The following MARCHF1 variants were observed in gnomAD, a reference collection of about 807,000 sequenced individuals.
The protein encoded by MARCHF1 is membrane associated ring-CH-type finger 1.
A neutral mutation model predicts 54.2 loss-of-function variants in MARCHF1; 40 were observed. That is an observed-to-expected ratio of 0.74 (90% CI 0.57 to 0.96). The LOEUF (loss-of-function observed/expected upper bound fraction) is 0.96. MARCHF1 is among the 40% of genes least tolerant of loss of function. The probability of loss-of-function intolerance (pLI) is 0.00; values close to 1 mark genes in which losing one functional copy is unlikely to be tolerated. For synonymous variants in MARCHF1, 236 were observed against 236.3 expected (o/e 1.00, Z 0.01); for missense variants, 586 against 656.5 (o/e 0.89, Z 1.17).
At chr4:164,206,949 A>T (rs1731623571) in intron 1 of MARCHF1, among the ~76,000 whole-genome samples, 1 of 152,162 alleles carries the variant, frequency 6.6e-6, no homozygotes, top group South Asian at 2.1e-4. Flanking sequence ...AAATTGTATT[A>T]ATTTTATCAT....
chr4:163,545,072 A>C (rs1294427431), intron 9 of MARCHF1, among the ~76,000 whole-genome samples: 1 of 152,198 alleles, frequency 6.6e-6, no homozygotes, highest in African/African-American at 2.4e-5. Flanking sequence ...TTTTCTTTGC[A>C]GACTTGACAC....
intron 1 of MARCHF1, among the ~76,000 whole-genome samples, chr4:164,118,325 A>G (rs749630510): frequency 2.0e-5 from 3 of 151,556 alleles, no homozygotes; most frequent in Non-Finnish European, 4.4e-5. Flanking sequence ...ATACAGCAAA[A>G]AGAAATTATT....
chr4:163,836,736 C>T (rs185040885), intron 4 of MARCHF1, among the ~76,000 whole-genome samples: 2 of 111,140 alleles, frequency 1.8e-5, no homozygotes, highest in East Asian at 5.6e-4. Flanking sequence ...AAGTGTGACC[C>T]CCAATAAACA....
chr4:164,120,661 G>T (rs1393296586), intron 1 of MARCHF1, among the ~76,000 whole-genome samples: 1 of 151,976 alleles, frequency 6.6e-6, no homozygotes, highest in Non-Finnish European at 1.5e-5. Context: ...AATAAAACTA[G>T]AAATTAATAA....
At chr4:163,681,626 T>C (rs117353637) in intron 5 of MARCHF1, among the ~76,000 whole-genome samples, 2,143 of 152,294 alleles carry the variant, frequency 0.014, 50 homozygotes, top group East Asian at 0.11. Flanking sequence ...TTTTCCCCTT[T>C]TGCTTGGCAC....
intron 1 of MARCHF1, among the ~76,000 whole-genome samples, chr4:164,354,354 A>G (rs1730448795): frequency 7.3e-6 from 1 of 136,730 alleles, no homozygotes; most frequent in Non-Finnish European, 1.6e-5. Context: ...CATTGATGCA[A>G]AAATCCTCAA....
At chr4:163,695,354 T>C (rs956910070) in intron 5 of MARCHF1, among the ~76,000 whole-genome samples, 3 of 152,178 alleles carry the variant, frequency 2.0e-5, no homozygotes, top group Non-Finnish European at 4.4e-5. Context: ...AACCATAGAA[T>C]ACCTTGTACA....
At chr4:164,263,506 C>T (rs1354387590) in intron 1 of MARCHF1, among the ~76,000 whole-genome samples, 2 of 152,116 alleles carry the variant, frequency 1.3e-5, no homozygotes, top group African/African-American at 4.8e-5. Flanking sequence ...AAGCAATCCT[C>T]TTGTATTAGT....
At chr4:164,052,805 A>G (rs530748322) in intron 2 of MARCHF1, among the ~76,000 whole-genome samples, 1 of 152,270 alleles carries the variant, frequency 6.6e-6, no homozygotes, top group African/African-American at 2.4e-5. Context: ...AGGATTAGAA[A>G]TCATAGTGAT....
chr4:163,691,920 G>A (rs574501180), intron 5 of MARCHF1, among the ~76,000 whole-genome samples: 1 of 152,186 alleles, frequency 6.6e-6, no homozygotes, highest in Non-Finnish European at 1.5e-5. Context: ...TCAGCCAAAA[G>A]TCTATATACT....
intron 1 of MARCHF1, among the ~76,000 whole-genome samples, chr4:164,357,908 A>G (rs1192039372): frequency 6.6e-6 from 1 of 152,208 alleles, no homozygotes; most frequent in African/African-American, 2.4e-5. Flanking sequence ...TTTTCTAGAA[A>G]GAAACATCAT....
intron 4 of MARCHF1, among the ~76,000 whole-genome samples, chr4:163,814,449 T>A (rs1199843206): frequency 1.3e-5 from 2 of 152,164 alleles, no homozygotes; most frequent in Non-Finnish European, 2.9e-5. Context: ...TTGTGTGTGG[T>A]GGCGCATGCC....
chr4:163,591,514 A>C (rs537575304), intron 7 of MARCHF1, among the ~76,000 whole-genome samples: 12 of 152,248 alleles, frequency 7.9e-5, no homozygotes, highest in African/African-American at 2.9e-4. Flanking sequence ...ATGTTTAATA[A>C]TTTTATGGGG....
chr4:164,263,142 G>A (rs1733515357), intron 1 of MARCHF1, among the ~76,000 whole-genome samples: 2 of 130,962 alleles, frequency 1.5e-5, no homozygotes, highest in South Asian at 2.5e-4. Context: ...ACGCGTGCGT[G>A]TGTGTGTGTG....
intron 4 of MARCHF1, among the ~76,000 whole-genome samples, chr4:163,776,934 A>G (rs924487340): frequency 1.3e-5 from 2 of 152,158 alleles, no homozygotes; most frequent in Admixed American, 1.3e-4. Context: ...TCTACCCTCA[A>G]GATACAATGC....
intron 4 of MARCHF1, among the ~76,000 whole-genome samples, chr4:163,735,584 C>A (rs1163764480): frequency 6.6e-6 from 1 of 152,096 alleles, no homozygotes. Flanking sequence ...TTTGCTATGT[C>A]CTGACATGTG....
chr4:164,192,842 G>T (rs1180243973), intron 1 of MARCHF1, among the ~76,000 whole-genome samples: 1 of 152,156 alleles, frequency 6.6e-6, no homozygotes, highest in African/African-American at 2.4e-5. Flanking sequence ...CAGCTGCTAT[G>T]CCAATGACCT....
chr4:163,648,612 TAA>T (rs34542365), intron 5 of MARCHF1, among the ~76,000 whole-genome samples: 35 of 105,306 alleles, frequency 3.3e-4, no homozygotes, highest in East Asian at 1.0e-3. Flanking sequence ...GCCCATGAGC[TAA>T]AAAAAAAAAA....
intron 2 of MARCHF1, among the ~76,000 whole-genome samples, chr4:164,086,049 C>G (rs1755187158): frequency 6.6e-6 from 1 of 151,738 alleles, no homozygotes; most frequent in South Asian, 2.1e-4. Flanking sequence ...GGTATACATT[C>G]TGGAAATCAA....
Sources: gnomAD v4.1 joint callset for allele counts (sites outside exome capture counted in the v4.1 genomes callset) on GRCh38, gnomAD v4.1.1 for gene constraint, MANE v1.5 for transcripts, NCBI Gene and HGNC (gene_info 2026-07-23, HGNC 2026-07-21) for gene names.